RANBP2: variants seen among roughly 807,000 people sequenced by gnomAD.
The protein encoded by RANBP2 is E3 SUMO-protein ligase RanBP2.
A neutral mutation model predicts 303.6 loss-of-function variants in RANBP2; 57 were observed. The observed-to-expected ratio is 0.19, with a 90% CI of 0.15 to 0.23. RANBP2 has a LOEUF of 0.23. Among genes scored for constraint, RANBP2 ranks in the 10% least tolerant of loss-of-function variants. The probability of loss-of-function intolerance (pLI) is 1.00; values close to 1 mark genes in which losing one functional copy is unlikely to be tolerated. For synonymous variants in RANBP2, 1,167 were observed against 1,301.5 expected (o/e 0.90, Z 2.23); for missense variants, 3,138 against 3,780.8 (o/e 0.83, Z 4.46).
the RANBP2 span, among the ~76,000 whole-genome samples, chr2:109,162,500 G>T: frequency 2.0e-5 from 3 of 152,130 alleles, no homozygotes; most frequent in African/African-American, 7.2e-5. Flanking sequence ...TGCCATGTTG[G>T]TGTGCTGCAC....
chr2:109,392,208 A>G, the RANBP2 span, among the ~76,000 whole-genome samples: 1 of 152,166 alleles, frequency 6.6e-6, no homozygotes, highest in Admixed American at 6.5e-5. Context: ...ACCTCAGTGA[A>G]TATATTCTTT....
At chr2:108,757,507 G>A (rs1320937404) in intron 17 of RANBP2, among the ~76,000 whole-genome samples, 3 of 152,220 alleles carry the variant, frequency 2.0e-5, no homozygotes, top group African/African-American at 4.8e-5. Flanking sequence ...TGCATTGGAC[G>A]TATTATTATA....
the RANBP2 span, among the ~76,000 whole-genome samples, chr2:109,023,108 C>A: frequency 1.3e-5 from 2 of 152,104 alleles, no homozygotes; most frequent in Non-Finnish European, 2.9e-5. Context: ...TTTGATGAAA[C>A]CTTGATAATA....
intron 7 of RANBP2, 104 bp downstream of exon 7, chr2:108,740,785 T>C: frequency 6.6e-7 from 1 of 1,504,932 alleles, no homozygotes; most frequent in Admixed American, 1.7e-5. Context: ...AACAAACCTG[T>C]GGAATTAAAG....
the RANBP2 span, among the ~76,000 whole-genome samples, chr2:109,075,645 C>T: frequency 7.1e-6 from 1 of 140,290 alleles, no homozygotes; most frequent in African/African-American, 2.6e-5. Context: ...GAAGACATTA[C>T]AATGGATATC....
At chr2:109,093,067 C>A in the RANBP2 span, among the ~76,000 whole-genome samples, 1 of 152,180 alleles carries the variant, frequency 6.6e-6, no homozygotes, top group Admixed American at 6.5e-5. Context: ...TTTCTGCCAT[C>A]CAGAGGACAG....
chr2:109,695,471 T>A, the RANBP2 span, among the ~76,000 whole-genome samples: 1 of 152,214 alleles, frequency 6.6e-6, no homozygotes, highest in Non-Finnish European at 1.5e-5. Flanking sequence ...TGAATTCTGC[T>A]TCCCATGGGT....
the RANBP2 span, among the ~76,000 whole-genome samples, chr2:109,671,864 AAGGTATCTTAT>A: frequency 2.0e-5 from 3 of 151,458 alleles, no homozygotes; most frequent in Non-Finnish European, 4.4e-5. Flanking sequence ...AAGGGGAAAA[AAGGTATCTTAT>A]AGGCCATTTG....
the RANBP2 span, among the ~76,000 whole-genome samples, chr2:109,365,876 C>T: frequency 1.3e-5 from 2 of 151,968 alleles, no homozygotes; most frequent in African/African-American, 4.8e-5. Context: ...ACTTTCTTTA[C>T]AAAAGAAAAG....
the RANBP2 span, among the ~76,000 whole-genome samples, chr2:109,402,519 G>A: frequency 6.6e-6 from 1 of 152,338 alleles, no homozygotes; most frequent in Non-Finnish European, 1.5e-5. Flanking sequence ...GAGCAGGAAG[G>A]CCCGCAGCCC....
rs1200213319 is a variant in RANBP2, at chr2:108,766,758, G to T, written c.6219G>T (p.Met2073Ile). 1.2e-6 allele frequency: 2 copies of T among 1,612,036 alleles called. No individual in the cohort carries two copies. The highest frequency in any genetic ancestry group is 2.2e-5 in the South Asian group (2 of 90,990). Reference sequence around the variant, plus strand: ...ACGAGGTCAATGGCAAACTAAGAATGCTGATGCGAAGAGAACAAGTACTAA... The same window carrying T: ...ACGAGGTCAATGGCAAACTAAGAATTCTGATGCGAAGAGAACAAGTACTAA... ...LKNEVNGKLRMLMRREQVLKV... is the reference protein window; with the variant it reads ...LKNEVNGKLRILMRREQVLKV... The change falls in exon 20 of 29, where the codon ATG becomes ATT. Residue 2073 changes from methionine (M) to isoleucine (I), a missense_variant. Physicochemically the swap from Met to Ile is conservative, Grantham distance 10 (BLOSUM62 1). Coordinates refer to ENST00000283195, the MANE Select transcript of RANBP2 (RefSeq NM_006267.5).
chr2:109,416,250 G>T, the RANBP2 span, among the ~76,000 whole-genome samples: 1 of 152,124 alleles, frequency 6.6e-6, no homozygotes, highest in African/African-American at 2.4e-5. Context: ...TTGGGTACCT[G>T]TGTAAGGGGC....
At chr2:109,345,366 G>A in the RANBP2 span, among the ~76,000 whole-genome samples, 102 of 152,294 alleles carry the variant, frequency 6.7e-4, no homozygotes, top group South Asian at 6.2e-4. Context: ...AGCACGAGCC[G>A]GCCGCAGAAG....
the RANBP2 span, among the ~76,000 whole-genome samples, chr2:109,548,399 G>T: frequency 5.9e-5 from 9 of 152,276 alleles, no homozygotes; most frequent in Admixed American, 5.9e-4. Context: ...AGAAAAAGAC[G>T]ACATAGCTGG....
intron 13 of RANBP2, 133 bp downstream of exon 13, chr2:108,753,292 C>T (rs1676049897): frequency 6.2e-7 from 1 of 1,604,802 alleles, no homozygotes; most frequent in African/African-American, 1.3e-5. Flanking sequence ...TTCACTAGCT[C>T]TCACACATAA....
the RANBP2 span, among the ~76,000 whole-genome samples, chr2:109,500,130 G>T: frequency 6.6e-6 from 1 of 152,192 alleles, no homozygotes; most frequent in Non-Finnish European, 1.5e-5. Flanking sequence ...CTGCCGTGAG[G>T]TTTCTCAGGC....
the RANBP2 span, among the ~76,000 whole-genome samples, chr2:109,166,043 C>G: frequency 0.03 from 4,542 of 152,106 alleles, 214 homozygotes; most frequent in African/African-American, 0.1. Flanking sequence ...AGATACATAC[C>G]TTGGTGAGCC....
At chr2:109,022,060 G>A in the RANBP2 span, among the ~76,000 whole-genome samples, 6 of 152,208 alleles carry the variant, frequency 3.9e-5, no homozygotes, top group Non-Finnish European at 7.3e-5. Context: ...CCTCAGAGCC[G>A]TGTGCCCCAG....
At chr2:109,625,991 G>T in the RANBP2 span, among the ~76,000 whole-genome samples, 1 of 152,154 alleles carries the variant, frequency 6.6e-6, no homozygotes, top group Non-Finnish European at 1.5e-5. Context: ...AACATAGCAA[G>T]ATGTTTAAAT....
Sources: allele counts gnomAD v4.1 joint callset (sites outside exome capture counted in the v4.1 genomes callset), GRCh38; gene constraint gnomAD v4.1.1; transcripts MANE v1.5; gene names NCBI Gene and HGNC (gene_info 2026-07-23, HGNC 2026-07-21).